The following ARFGEF2 variants were observed in gnomAD, a reference collection of about 807,000 sequenced individuals.
The protein encoded by ARFGEF2 is brefeldin A-inhibited guanine nucleotide-exchange protein 2.
In ARFGEF2, 74 loss-of-function variants were observed where a neutral mutation model predicts 219.9. The ratio of observed to expected loss-of-function variants is 0.34; its 90% CI spans 0.28 to 0.41. The LOEUF (loss-of-function observed/expected upper bound fraction) is 0.41, where lower values mean the gene tolerates loss of function less well. Ranked by LOEUF, ARFGEF2 falls within the 10% of genes least tolerant of loss-of-function variation. The pLI is 1.00. For missense variants in ARFGEF2, 1,743 were observed against 2,218.3 expected (o/e 0.79, Z 4.30); for synonymous variants, 733 against 799.2 (o/e 0.92, Z 1.40).
chr20:49,032,220 GC>G, intron 38 of ARFGEF2, 54 bp downstream of exon 38: 2 of 1,319,254 alleles, frequency 1.5e-6, no homozygotes, highest in Admixed American at 1.7e-5. Flanking sequence ...GTTTGGGTTG[GC>G]TTTTTACTCA....
chr20:49,033,714 G>T lies in ARFGEF2; in HGVS notation c.*515G>T. 1 of 157,926 alleles carries T rather than the reference G, an allele frequency of 6.3e-6. No homozygotes were observed. Among genetic ancestry groups the T allele is most frequent in the Admixed American group, 6.1e-5 (1 of 16,526 alleles). 9.8% of individuals were successfully genotyped at this position (157,926 alleles called of 1,614,324 possible). Reference sequence around the variant, plus strand: ...TTACGAGTCAGCCGTAATTAGATTAGTTTAAGGACAGGTCAGGATTAGAGA... The same window carrying T: ...TTACGAGTCAGCCGTAATTAGATTATTTTAAGGACAGGTCAGGATTAGAGA... On this transcript the variant is annotated 3_prime_UTR_variant, in exon 39 of 39. Transcript: ENST00000371917.
intron 14 of ARFGEF2, among the ~76,000 whole-genome samples, chr20:48,983,850 C>G (rs1832784178): frequency 6.6e-6 from 1 of 152,140 alleles, no homozygotes; most frequent in Admixed American, 6.5e-5. Context: ...TGAATATCAC[C>G]CTCCAGCTCA....
At chr20:49,005,019 C>T (rs751490133) in intron 25 of ARFGEF2, 51 bp from the exon 26 acceptor site, 24 of 1,609,150 alleles carry the variant, frequency 1.5e-5, no homozygotes, top group Admixed American at 3.3e-5. Context: ...AGACCCACGT[C>T]GGTCATTATT....
In ARFGEF2 at chr20:48,975,901, T is replaced by C. The variant is rs1016011110; in HGVS notation, c.1775-115T>C. ...GGTTTCATGCTTATAATCCTTATAG[T>C]ATTGACTTGTTGCTATTACAGGTTT... On this transcript the variant is annotated intron_variant, in intron 13 of 38. Coordinates refer to ENST00000371917, the MANE Select transcript of ARFGEF2 (RefSeq NM_006420.3). 4.5e-6 allele frequency: 4 copies of C among 882,858 alleles called. No homozygotes were observed. The African/African-American group carries it at 6.6e-5, about 15-fold the overall frequency. 54.7% of individuals were successfully genotyped at this position (882,858 alleles called of 1,614,324 possible).
chr20:49,025,495 G>T lies in ARFGEF2; in HGVS notation c.4924+14G>T, dbSNP rs1206091908. Reference sequence around the variant, plus strand: ...TGTGGCGAGCAGGTAAGGCCACACAGCAGATAAGATAGATGGCCACACTGG... The same window carrying T: ...TGTGGCGAGCAGGTAAGGCCACACATCAGATAAGATAGATGGCCACACTGG... On this transcript the variant is annotated intron_variant, in intron 36 of 38. Transcript: ENST00000371917. 4 of 1,613,506 alleles carry T rather than the reference G, an allele frequency of 2.5e-6. No individual in the cohort carries two copies. The highest frequency in any genetic ancestry group is 3.4e-6 in the Non-Finnish European group (4 of 1,179,892).
At chr20:48,954,857 C>T (rs1021226514) in intron 6 of ARFGEF2, among the ~76,000 whole-genome samples, 1 of 152,162 alleles carries the variant, frequency 6.6e-6, no homozygotes, top group Non-Finnish European at 1.5e-5. Context: ...CCGGCCCACC[C>T]TCTGTGTCTG....
At chr20:49,022,435 A>ACAAC (rs200385314) in intron 34 of ARFGEF2, among the ~76,000 whole-genome samples, 8 of 105,830 alleles carry the variant, frequency 7.6e-5, no homozygotes, top group African/African-American at 2.5e-4. Context: ...ACAACAAAAA[A>ACAAC]AAAAAACCCA....
chr20:48,938,874 C>T (rs930107378), intron 1 of ARFGEF2, among the ~76,000 whole-genome samples: 3 of 152,014 alleles, frequency 2.0e-5, no homozygotes, highest in African/African-American at 7.2e-5. Context: ...ATTCTTTGAT[C>T]TTACACCCAC....
At chr20:48,934,505 G>A (rs377501844) in intron 1 of ARFGEF2, among the ~76,000 whole-genome samples, 3 of 152,046 alleles carry the variant, frequency 2.0e-5, no homozygotes, top group East Asian at 3.8e-4. Context: ...CCTTCCCCTT[G>A]CCTCCCACCC....
chr20:48,927,544 T>C (rs1036349759), intron 1 of ARFGEF2, among the ~76,000 whole-genome samples: 2 of 151,900 alleles, frequency 1.3e-5, no homozygotes, highest in African/African-American at 4.8e-5. Context: ...AAAAATTAGC[T>C]GGGCGTGGTG....
At chr20:48,995,138 A>G (rs980443893) in intron 22 of ARFGEF2, among the ~76,000 whole-genome samples, 2 of 152,202 alleles carry the variant, frequency 1.3e-5, no homozygotes, top group African/African-American at 2.4e-5. Flanking sequence ...TTAATGCTCA[A>G]AACAATCCAA....
chr20:48,929,548 A>G (rs550740324), intron 1 of ARFGEF2, among the ~76,000 whole-genome samples: 18 of 140,958 alleles, frequency 1.3e-4, no homozygotes, highest in Admixed American at 1.2e-3. Context: ...TATGCCCTCT[A>G]GGTCATAATA....
intron 6 of ARFGEF2, among the ~76,000 whole-genome samples, chr20:48,957,400 A>G (rs949619559): frequency 6.6e-6 from 1 of 152,302 alleles, no homozygotes; most frequent in Middle Eastern, 3.4e-3. Context: ...CCAGCTGGCT[A>G]GGGAGGGAAT....
rs896448750 is a variant in ARFGEF2, at chr20:48,984,805, G to A, written c.2035G>A (p.Ala679Thr). 1 of 1,613,114 alleles carries A rather than the reference G, an allele frequency of 6.2e-7. No individual in the cohort carries two copies. Among genetic ancestry groups the A allele is most frequent in the Admixed American group, 1.7e-5 (1 of 60,026 alleles). ...GCTGGGAACGTCAGTTGAAGACATA[G>A]CCCAATTCCTGCACCAGGAGGAGCG... ...GMLGTSVEDI[A>T]QFLHQEERLD... The change falls in exon 15 of 39, where the codon GCC becomes ACC. Residue 679 changes from alanine (A) to threonine (T), a missense_variant. Physicochemically the swap from Ala to Thr is moderately conservative, Grantham distance 58. Transcript: ENST00000371917.
intron 1 of ARFGEF2, among the ~76,000 whole-genome samples, chr20:48,924,439 G>A (rs2123257741): frequency 6.6e-6 from 1 of 150,944 alleles, no homozygotes; most frequent in Non-Finnish European, 1.5e-5. Context: ...GTGAACCCAG[G>A]AGGTGGAGCT....
Position 48,965,964 on chromosome 20 carries a change from A to C in ARFGEF2, c.1000A>C (p.Asn334His). The C allele has an allele frequency of 1.9e-6, 3 of 1,614,142 alleles. No individual in the cohort carries two copies. In the African/African-American group the frequency reaches 4.0e-5, roughly 22 times the overall value. ...ECAIPPGVDE[N>H]SQTNGIADDR... ...TGCTATTCCCCCAGGAGTTGATGAA[A>C]ACTCACAGACCAACGGGATAGCCGA... Residue 334 changes from asparagine (N) to histidine (H), a missense_variant, in exon 8 of 39, where the codon AAC becomes CAC. By Grantham distance (68) the Asn-to-His change is moderately conservative. Around this residue, in one of 5 missense-constraint regions of ARFGEF2, gnomAD observed 394 missense variants for 426.6 expected, o/e 0.92. Transcript: ENST00000371917.
intron 26 of ARFGEF2, among the ~76,000 whole-genome samples, chr20:49,007,880 G>A (rs2091472721): frequency 6.6e-6 from 1 of 152,006 alleles, no homozygotes; most frequent in Non-Finnish European, 1.5e-5. Flanking sequence ...GCCAAGCCAC[G>A]TGTGCAAGCC....
Position 49,016,379 on chromosome 20 carries a change from G to C in ARFGEF2, c.4279G>C (p.Asp1427His). 6.2e-7 allele frequency: 1 copy of C among 1,613,654 alleles called. No homozygotes were observed. Residue 1427 changes from aspartate (D) to histidine (H), a missense_variant, in exon 31 of 39, where the codon GAT becomes CAT. This residue lies in a region of ARFGEF2 where 578 missense variants were observed against 664.0 expected (regional missense o/e 0.87). Transcript: ENST00000371917. Reference sequence around the variant, plus strand: ...AGCTTTGAATGAAGTTCTTCTTTCTGATGTATTTGCACAATTGCAGTGGTG... The same window carrying C: ...AGCTTTGAATGAAGTTCTTCTTTCTCATGTATTTGCACAATTGCAGTGGTG... ...YEALNEVLLS[D>H]VFAQLQWCVK... is the part of the protein sequence containing the mutation.
chr20:49,020,220 C>T (rs1288167286), intron 34 of ARFGEF2, among the ~76,000 whole-genome samples: 1 of 152,190 alleles, frequency 6.6e-6, no homozygotes, highest in Non-Finnish European at 1.5e-5. Context: ...ATAGCAGTCC[C>T]ACCCTGTCCT....
Sources: allele counts gnomAD v4.1 joint callset (sites outside exome capture counted in the v4.1 genomes callset), GRCh38; gene constraint gnomAD v4.1.1; regional missense constraint gnomAD v4.1.1; transcripts MANE v1.5; gene names NCBI Gene and HGNC (gene_info 2026-07-23, HGNC 2026-07-21).